Variants in CDH18 observed in about 807,000 individuals in gnomAD.
The protein encoded by CDH18 is cadherin-18.
Under a neutral mutation model 67.9 loss-of-function variants are expected in CDH18, and 31 were observed. That is an observed-to-expected ratio of 0.46 (90% CI 0.34 to 0.62). The LOEUF is 0.62. Among genes scored for constraint, CDH18 ranks in the 20% least tolerant of loss-of-function variants. The pLI, the probability that CDH18 is intolerant of heterozygous loss-of-function variation, is 0.01. For synonymous variants in CDH18, 362 were observed against 347.2 expected (o/e 1.04, Z -0.48); for missense variants, 890 against 975.5 (o/e 0.91, Z 1.17).
chr5:20,412,540 G>A (rs1004499406), intron 1 of CDH18, among the ~76,000 whole-genome samples: 4 of 152,144 alleles, frequency 2.6e-5, no homozygotes, highest in African/African-American at 7.2e-5. Flanking sequence ...TGCATAACAA[G>A]AGAAACAGTG....
intron 5 of CDH18, among the ~76,000 whole-genome samples, chr5:19,675,268 A>G (rs1759314911): frequency 1.1e-5 from 1 of 94,010 alleles, no homozygotes; most frequent in Admixed American, 1.2e-4. Context: ...TTGGGCATGC[A>G]TTGTCATTGA....
chr5:20,377,228 T>G (rs927005458), intron 1 of CDH18, among the ~76,000 whole-genome samples: 4 of 152,336 alleles, frequency 2.6e-5, no homozygotes, highest in African/African-American at 9.6e-5. Flanking sequence ...AATTAAATGC[T>G]AAATATTTAT....
At chr5:20,179,728 T>C (rs756861663) in intron 2 of CDH18, among the ~76,000 whole-genome samples, 1 of 152,100 alleles carries the variant, frequency 6.6e-6, no homozygotes, top group Non-Finnish European at 1.5e-5. Context: ...CTTTGGAGAT[T>C]TGGAGACAAT....
At chr5:20,067,511 T>A (rs1743082853) in intron 2 of CDH18, among the ~76,000 whole-genome samples, 1 of 151,992 alleles carries the variant, frequency 6.6e-6, no homozygotes, top group African/African-American at 2.4e-5. Flanking sequence ...AACATACCTA[T>A]TGTGGCCTTT....
At chr5:19,984,362 A>G (rs1799357217) in intron 1 of CDH18, among the ~76,000 whole-genome samples, 1 of 152,116 alleles carries the variant, frequency 6.6e-6, no homozygotes, top group Non-Finnish European at 1.5e-5. Context: ...ACATTTTTAT[A>G]ATAAATTTTA....
At chr5:19,748,965 A>G (rs1405197040) in intron 3 of CDH18, among the ~76,000 whole-genome samples, 1 of 152,150 alleles carries the variant, frequency 6.6e-6, no homozygotes, top group Non-Finnish European at 1.5e-5. Context: ...AAAATGAGCA[A>G]AAATACACAG....
intron 2 of CDH18, among the ~76,000 whole-genome samples, chr5:20,082,102 T>C (rs1744529497): frequency 6.6e-6 from 1 of 152,078 alleles, no homozygotes; most frequent in Non-Finnish European, 1.5e-5. Context: ...ACTACAATAA[T>C]TTGGAAAATA....
intron 1 of CDH18, among the ~76,000 whole-genome samples, chr5:20,355,483 G>A (rs1420547827): frequency 6.6e-6 from 1 of 151,910 alleles, no homozygotes; most frequent in African/African-American, 2.4e-5. Flanking sequence ...AGATATGGGT[G>A]GCCAAAAAAA....
intron 1 of CDH18, among the ~76,000 whole-genome samples, chr5:20,493,435 G>T (rs932479474): frequency 2.0e-5 from 3 of 146,752 alleles, no homozygotes; most frequent in Admixed American, 1.4e-4. Context: ...TCTATTTGTG[G>T]AAATAAACAA....
intron 3 of CDH18, among the ~76,000 whole-genome samples, chr5:19,830,914 C>G (rs1174411053): frequency 6.6e-6 from 1 of 152,018 alleles, no homozygotes. Flanking sequence ...AGGCCATAAC[C>G]TGACACAAAC....
intron 5 of CDH18, among the ~76,000 whole-genome samples, chr5:19,702,462 T>C (rs1328659572): frequency 1.3e-5 from 2 of 150,618 alleles, no homozygotes; most frequent in East Asian, 2.1e-4. Flanking sequence ...GCATTCTTTC[T>C]AACTAACAAA....
chr5:20,346,223 T>C (rs1740683259), intron 1 of CDH18, among the ~76,000 whole-genome samples: 1 of 152,192 alleles, frequency 6.6e-6, no homozygotes, highest in African/African-American at 2.4e-5. Flanking sequence ...TGGAACACTC[T>C]ATGTTATGGA....
At position 20,235,260 on chromosome 5, in the gene CDH18, A is replaced by C. The variant is rs190512360; in HGVS notation, c.-518+20184T>G. ...TAAGTTCTCAAAAGCAATTGCAACAAAACCAAAAGTTGACAGCTTGGACCT... is the reference window on the plus strand; with the variant it reads ...TAAGTTCTCAAAAGCAATTGCAACACAACCAAAAGTTGACAGCTTGGACCT... On this transcript the variant is annotated intron_variant, in intron 2 of 14. Coordinates refer to the CDH18 transcript ENST00000507958. 2.0e-5 allele frequency among the ~76,000 whole-genome samples: 3 copies of C among 152,244 alleles called. No homozygotes were observed. In the East Asian group the frequency reaches 5.8e-4, roughly 29 times the overall value.
intron 2 of CDH18, among the ~76,000 whole-genome samples, chr5:20,125,247 G>A (rs1019760950): frequency 4.0e-4 from 61 of 151,946 alleles, no homozygotes; most frequent in African/African-American, 1.3e-3. Flanking sequence ...GAAAGTAAAT[G>A]CAACTAAGAG....
intron 2 of CDH18, among the ~76,000 whole-genome samples, chr5:20,119,190 TGAA>T (rs1028396765): frequency 1.1e-4 from 17 of 152,190 alleles, no homozygotes; most frequent in Non-Finnish European, 1.9e-4. Context: ...AATTAAATTA[TGAA>T]GAAGAACTTA....
At chr5:19,846,338 C>G (rs1313994764) in intron 2 of CDH18, among the ~76,000 whole-genome samples, 2 of 152,080 alleles carry the variant, frequency 1.3e-5, no homozygotes, top group Non-Finnish European at 2.9e-5. Context: ...GTCACAAATA[C>G]ATTTTTATGT....
chr5:19,596,427 T>C (rs950747462), intron 6 of CDH18, among the ~76,000 whole-genome samples: 4 of 152,194 alleles, frequency 2.6e-5, no homozygotes, highest in Non-Finnish European at 5.9e-5. Context: ...GAGTCAATTT[T>C]TTTGGATGCT....
At chr5:20,412,126 A>G (rs765616091) in intron 1 of CDH18, among the ~76,000 whole-genome samples, 23 of 152,138 alleles carry the variant, frequency 1.5e-4, no homozygotes, top group Non-Finnish European at 3.1e-4. Flanking sequence ...TTACAGACTT[A>G]TAACTATACT....
intron 2 of CDH18, among the ~76,000 whole-genome samples, chr5:20,102,013 G>GT (rs1305186342): frequency 2.6e-5 from 4 of 152,304 alleles, no homozygotes; most frequent in South Asian, 2.1e-4. Context: ...AGAGGTTGCA[G>GT]TGAGCTGAGA....
Sources: gnomAD v4.1 joint callset for allele counts (sites outside exome capture counted in the v4.1 genomes callset) on GRCh38, gnomAD v4.1.1 for gene constraint, MANE v1.5 for transcripts, NCBI Gene and HGNC (gene_info 2026-07-23, HGNC 2026-07-21) for gene names.